TBL2: variants seen among roughly 807,000 people sequenced by gnomAD.
TBL2 encodes the protein transducin beta-like protein 2.
A neutral mutation model predicts 41.8 loss-of-function variants in TBL2; 33 were observed. That is an observed-to-expected ratio of 0.79 (90% CI 0.60 to 1.06). The LOEUF (loss-of-function observed/expected upper bound fraction) is 1.06, where lower values mean the gene tolerates loss of function less well. TBL2 is among the 50% of genes least tolerant of loss of function. The pLI, the probability that TBL2 is intolerant of heterozygous loss-of-function variation, is 0.00. For missense variants in TBL2, 522 were observed against 603.8 expected (o/e 0.86, Z 1.42); for synonymous variants, 239 against 241.7 (o/e 0.99, Z 0.10).
chr7:73,572,873 G>A lies in TBL2; in HGVS notation c.696C>T (p.Asn232=). 6.2e-7 allele frequency: 1 copy of A among 1,614,160 alleles called. No homozygotes were observed. The highest frequency in any genetic ancestry group is 8.5e-7 in the Non-Finnish European group (1 of 1,180,028). The stretch of plus-strand genomic sequence containing the variant: ...CACAGGGAGATACAGCAGCGTGTGT[G>A]TTGTTCATCTGGTTGGTGTTGATGG... The part of the protein sequence containing the change: ...LSTINTNQMN[N]THAAVSPCGR... The change falls in exon 5 of 7, where the codon AAC becomes AAT. Residue 232 remains asparagine, a synonymous_variant. Coordinates refer to ENST00000305632, the MANE Select transcript of TBL2 (RefSeq NM_012453.4).
chr7:73,570,587 C>G lies in TBL2; in HGVS notation c.1264G>C (p.Glu422Gln). The G allele has an allele frequency of 1.9e-6, 3 of 1,611,272 alleles. No individual in the cohort carries two copies. The highest frequency in any genetic ancestry group is 2.5e-6 in the Non-Finnish European group (3 of 1,179,010). Reference protein sequence around the residue: ...MQGHLKRASNESTRQRLQQQL... With the variant: ...MQGHLKRASNQSTRQRLQQQL... The stretch of plus-strand genomic sequence containing the variant: ...TGCTGCAGCCTCTGGCGGGTGCTCT[C>G]GTTGGAGGCCCGCTTCAGGTGGCCC... The change falls in exon 7 of 7, where the codon GAG becomes CAG. Residue 422 changes from glutamate to glutamine, a missense_variant. Physicochemically the swap from Glu to Gln is conservative, Grantham distance 29 (BLOSUM62 2). Transcript: ENST00000305632.
rs146437532 is a variant in TBL2, at chr7:73,570,855, G to A, written c.996C>T (p.Ala332=). 10,566 of 1,613,702 alleles carry A rather than the reference G, an allele frequency of 6.5e-3. 53 individuals are homozygous for A. Among genetic ancestry groups the A allele is most frequent in the Admixed American group, 0.01 (606 of 60,020 alleles). The change falls in exon 7 of 7, where the codon GCC becomes GCT. Residue 332 remains alanine, a synonymous_variant. Transcript: ENST00000305632. ...KTGRFEEAAG[A]APCRLALSPN... is the part of the protein sequence containing the mutation. ...GGGAGAGGGCCAGGCGGCACGGCGCGGCACCCGCCGCCTCTTCAAAGCGGC... is the reference window on the plus strand; with the variant it reads ...GGGAGAGGGCCAGGCGGCACGGCGCAGCACCCGCCGCCTCTTCAAAGCGGC...
At chr7:73,571,761 G>GAAAAA in intron 5 of TBL2, 1 of 75,706 alleles carries the variant, frequency 1.3e-5, no homozygotes, top group Non-Finnish European at 2.7e-5. Flanking sequence ...GACTGTCTCA[G>GAAAAA]AAAAAAAAAA....
chr7:73,576,985 G>C (rs1327478447), intron 1 of TBL2, among the ~76,000 whole-genome samples: 2 of 151,848 alleles, frequency 1.3e-5, no homozygotes, highest in African/African-American at 4.8e-5. Context: ...CGGCCAGGCA[G>C]GGTGGCTCAC....
Position 73,574,039 on chromosome 7 carries a change from G to A in TBL2, c.345C>T (p.Arg115=), listed in dbSNP as rs782410789. Residue 115 remains arginine (R), a synonymous_variant, in exon 3 of 7, where the codon CGC becomes CGT. Coordinates refer to ENST00000305632, the MANE Select transcript of TBL2 (RefSeq NM_012453.4). ...LATCADDRTI[R]IWSTKDFLQR... is the part of the protein sequence containing the mutation. ...GCAGGAAGTCCTTGGTGCTCCAGAT[G>A]CGGATGGTGCGATCATCTGCACAGG... 11 of 1,614,212 alleles carry A rather than the reference G, an allele frequency of 6.8e-6. No individual in the cohort carries two copies. The highest frequency in any genetic ancestry group is 2.2e-5 in the South Asian group (2 of 91,084).
intron 1 of TBL2, among the ~76,000 whole-genome samples, chr7:73,577,814 T>A (rs553562685): frequency 6.6e-6 from 1 of 151,268 alleles, no homozygotes; most frequent in African/African-American, 2.4e-5. Context: ...CCCAGCTAAT[T>A]TTGCGTAGAG....
At chr7:73,576,744 C>T (rs1554589017) in intron 1 of TBL2, 1 of 456,210 alleles carries the variant, frequency 2.2e-6, no homozygotes, top group Non-Finnish European at 4.4e-6. Context: ...GCTTCCTTCT[C>T]TCCAGGCATG....
At chr7:73,572,754 C>A in intron 5 of TBL2, 90 bp downstream of exon 5, 1 of 1,582,828 alleles carries the variant, frequency 6.3e-7, no homozygotes, top group Non-Finnish European at 8.6e-7. Flanking sequence ...GTATGCTCTT[C>A]CCACGCGATG....
Position 73,570,689 on chromosome 7 carries a change from G to A in TBL2, c.1162C>T (p.Leu388=). 1 of 1,614,132 alleles carries A rather than the reference G, an allele frequency of 6.2e-7. No individual in the cohort carries two copies. Among genetic ancestry groups the A allele is most frequent in the Non-Finnish European group, 8.5e-7 (1 of 1,179,992 alleles). ...NLSFDITGRF[L]ASCGDRAVRL... ...ACCGCCCGGTCCCCACAGGAGGCCA[G>A]AAAGCGGCCAGTGATGTCAAAGGAC... Residue 388 remains leucine (L), a synonymous_variant, in exon 7 of 7, where the codon CTG becomes TTG. Transcript: ENST00000305632.
In TBL2 at chr7:73,572,941, T is replaced by C. The variant is rs1554588036; in HGVS notation, c.628A>G (p.Thr210Ala). ...TTCAGGCTCCAGATGAGGACAGTGG[T>C]GTCACTGGAGGCAGTCATGATAAAC... ...GKFIMTASSD[T>A]TVLIWSLKGQ... The change falls in exon 5 of 7, where the codon ACC (threonine) becomes GCC (alanine). Residue 210 changes from threonine to alanine, a missense_variant. Physicochemically the swap from Thr to Ala is moderately conservative, Grantham distance 58 (BLOSUM62 0). Transcript: ENST00000305632. The C allele has an allele frequency of 3.1e-6, 5 of 1,614,170 alleles. No individual in the cohort carries two copies. The highest frequency in any genetic ancestry group is 4.2e-6 in the Non-Finnish European group (5 of 1,180,026).
intron 5 of TBL2, chr7:73,571,583 C>T (rs2115936673): frequency 2.3e-6 from 1 of 425,754 alleles, no homozygotes; most frequent in East Asian, 5.0e-5. Flanking sequence ...ATGGTGAAAC[C>T]TCATCTCTAC....
rs1793350021 is a variant in TBL2 at position 73,576,787 on chromosome 7, T to C, written c.130+1633A>G. The C allele has an allele frequency of 1.1e-5, 5 of 442,518 alleles. No homozygotes were observed. The Admixed American group carries it at 1.2e-4, about 11-fold the overall frequency. 27.4% of individuals were successfully genotyped at this position (442,518 alleles called of 1,614,324 possible). A position where few individuals can be genotyped will look rare whatever the true frequency, so the allele number is the denominator to read the frequency against. On this transcript the variant is annotated intron_variant, in intron 1 of 6. Transcript: ENST00000305632. Reference sequence around the variant, plus strand: ...AGCCCCCCTCCTCACACTTAAGTCATACCAAATGCTGTTTGGGGACTCCTT... The same window carrying C: ...AGCCCCCCTCCTCACACTTAAGTCACACCAAATGCTGTTTGGGGACTCCTT...
intron 2 of TBL2, 129 bp downstream of exon 2, chr7:73,574,254 G>A: frequency 6.6e-7 from 1 of 1,517,880 alleles, no homozygotes; most frequent in Non-Finnish European, 8.9e-7. Flanking sequence ...GATGAGAGGG[G>A]ACAGAATTAA....
Position 73,568,595 on chromosome 7 carries a change from C to T in TBL2, c.*1912G>A, listed in dbSNP as rs575205721. Among the ~76,000 whole-genome samples, 2 of 152,272 alleles carry T rather than the reference C, an allele frequency of 1.3e-5. No individual in the cohort carries two copies. The highest frequency in any genetic ancestry group is 4.8e-5 in the African/African-American group (2 of 41,562). On this transcript the variant is annotated 3_prime_UTR_variant, in exon 7 of 7. Transcript: ENST00000305632. ...TTAGAGGGGGGACGAAGCCAGGTTA[C>T]ACAGGACCTTGCAGGCCATGGTAAG...
Position 73,568,525 on chromosome 7 carries a change from C to A in TBL2, c.*1982G>T, listed in dbSNP as rs923009708. ...CTTCTACTGCCTTACACCCAGGTAA[C>A]TGACCCTTCACACATTTACGGTGCC... On this transcript the variant is annotated 3_prime_UTR_variant, in exon 7 of 7. Coordinates refer to ENST00000305632, the MANE Select transcript of TBL2 (RefSeq NM_012453.4). 6.6e-6 allele frequency among the ~76,000 whole-genome samples: 1 copy of A among 152,202 alleles called. No individual in the cohort carries two copies. The highest frequency in any genetic ancestry group is 1.5e-5 in the Non-Finnish European group (1 of 68,034).
At chr7:73,576,144 CGG>C (rs755056382) in intron 1 of TBL2, among the ~76,000 whole-genome samples, 5 of 149,136 alleles carry the variant, frequency 3.4e-5, no homozygotes, top group Non-Finnish European at 7.5e-5. Context: ...CTATGGAGGC[CGG>C]GTGCGGTGGC....
In TBL2 at chr7:73,572,896, TG is replaced by T. The variant is rs1793053964; in HGVS notation, c.672del (p.Ile225SerfsTer6). 1.9e-6 allele frequency: 3 copies of T among 1,614,052 alleles called. No homozygotes were observed. Among genetic ancestry groups the T allele is most frequent in the Admixed American group, 1.7e-5 (1 of 59,996 alleles). ...GTGTTGTTCATCTGGTTGGTGTTGA[TG>T]GTAGACAGCACTTGACCCTTCAGGC... ...IWSLKGQVLSTINTNQMNNTH... is the reference protein window; with the variant it reads ...IWSLKGQVLSXINTNQMNNTH... On this transcript the variant is annotated frameshift_variant, in exon 5 of 7. Coordinates refer to ENST00000305632, the MANE Select transcript of TBL2 (RefSeq NM_012453.4). LOFTEE classifies it high-confidence loss of function.
chr7:73,576,622 CTTAA>C, intron 1 of TBL2: 3 of 456,514 alleles, frequency 6.6e-6, no homozygotes, highest in South Asian at 3.1e-5. Flanking sequence ...GTAAAAGATA[CTTAA>C]TTGAGTCACA....
In TBL2 at chr7:73,571,211, C is replaced by T; in HGVS notation, c.856G>A (p.Ala286Thr). Residue 286 changes from alanine to threonine, a missense_variant, in exon 6 of 7, where the codon GCT becomes ACT. Coordinates refer to ENST00000305632, the MANE Select transcript of TBL2 (RefSeq NM_012453.4). ...CACCTCCGTGAGTCGTTGGAGAAAG[C>T]AAACGAGTGCACAGCCGCGGAGTGG... ...KGHSAAVHSF[A>T]FSNDSRRMAS... 3 of 1,614,264 alleles carry T rather than the reference C, an allele frequency of 1.9e-6. No homozygotes were observed. Among genetic ancestry groups the T allele is most frequent in the Non-Finnish European group, 2.5e-6 (3 of 1,180,050 alleles).
Sources: gnomAD v4.1 joint callset for allele counts (sites outside exome capture counted in the v4.1 genomes callset) on GRCh38, gnomAD v4.1.1 for gene constraint, MANE v1.5 for transcripts, NCBI Gene and HGNC (gene_info 2026-07-23, HGNC 2026-07-21) for gene names.